Variants in MRPS12 observed in about 807,000 individuals in gnomAD.
MRPS12 encodes the protein mitochondrial ribosomal protein S12.
MRPS12 carries 7 observed loss-of-function variants against 8.4 expected under a neutral mutation model. The ratio of observed to expected loss-of-function variants is 0.83; its 90% CI spans 0.47 to 1.56. The LOEUF (loss-of-function observed/expected upper bound fraction) is 1.56. Ranked by LOEUF, MRPS12 falls within the 40% of genes most tolerant of loss-of-function variation. The pLI is 0.01. For synonymous variants in MRPS12, 84 were observed against 84.1 expected (o/e 1.00, Z 0.01); for missense variants, 200 against 194.1 (o/e 1.03, Z -0.18).
chr19:38,932,617 G>C lies in MRPS12; in HGVS notation c.334G>C (p.Gly112Arg). The C allele has an allele frequency of 6.2e-7, 1 of 1,613,702 alleles. No homozygotes were observed. ...LQEHQIVLVE[G>R]GRTQDLPGVK... ...GGAGCACCAGATTGTCCTTGTGGAG[G>C]GCGGCCGCACCCAGGACCTGCCAGG... is the stretch of plus-strand genomic sequence containing the variant. Residue 112 changes from glycine to arginine, a missense_variant, in exon 3 of 3, where the codon GGC (glycine) becomes CGC (arginine). By Grantham distance (125) the Gly-to-Arg change is moderately radical. Transcript: ENST00000308018.
At chr19:38,931,478 C>T (rs572068535) in intron 2 of MRPS12, 135 bp downstream of exon 2, 15 of 806,376 alleles carry the variant, frequency 1.9e-5, no homozygotes, top group Non-Finnish European at 2.4e-5. Flanking sequence ...AGAGCTAGGG[C>T]TGCTAGAGCA....
In MRPS12 at chr19:38,932,497, A is replaced by C; in HGVS notation, c.214A>C (p.Lys72Gln). The change falls in exon 3 of 3, where the codon AAG becomes CAG. Residue 72 changes from lysine to glutamine, a missense_variant. Transcript: ENST00000308018. The stretch of plus-strand genomic sequence containing the variant: ...GTGCACGTTTACCCGCAAGCCGAAG[A>C]AGCCCAACTCAGCCAATCGCAAGTG... ...VLCTFTRKPK[K>Q]PNSANRKCCR... The C allele has an allele frequency of 1.2e-6, 2 of 1,613,244 alleles. No individual in the cohort carries two copies. The highest frequency in any genetic ancestry group is 1.7e-6 in the Non-Finnish European group (2 of 1,179,442).
rs1228343439 is a variant in MRPS12 at position 38,932,418 on chromosome 19, GCC to G, written c.136_137del (p.Pro46SerfsTer171). 28 of 1,609,236 alleles carry G rather than the reference GCC, an allele frequency of 1.7e-5. No homozygotes were observed. In the East Asian group the frequency reaches 6.0e-4, roughly 35 times the overall value. On this transcript the variant is annotated frameshift_variant, in exon 3 of 3. Coordinates refer to ENST00000308018, the MANE Select transcript of MRPS12 (RefSeq NM_033362.4). LOFTEE classifies it high-confidence loss of function. ...MHRLGPPKRP[P>X]RKLGPTEGRP... ...ACCGCCTGGGGCCCCCCAAGCGGCCGCCTCGGAAGCTGGGCCCCACGGAAGGC... is the reference window on the plus strand; with the variant it reads ...ACCGCCTGGGGCCCCCCAAGCGGCCGTCGGAAGCTGGGCCCCACGGAAGGC...
At position 38,932,617 on chromosome 19, in the gene MRPS12, G is replaced by T; in HGVS notation, c.334G>T (p.Gly112Cys). The T allele has an allele frequency of 6.2e-7, 1 of 1,613,702 alleles. No individual in the cohort carries two copies. The highest frequency in any genetic ancestry group is 8.5e-7 in the Non-Finnish European group (1 of 1,180,002). Reference sequence around the variant, plus strand: ...GGAGCACCAGATTGTCCTTGTGGAGGGCGGCCGCACCCAGGACCTGCCAGG... The same window carrying T: ...GGAGCACCAGATTGTCCTTGTGGAGTGCGGCCGCACCCAGGACCTGCCAGG... ...LQEHQIVLVE[G>C]GRTQDLPGVK... The change falls in exon 3 of 3, where the codon GGC becomes TGC. Residue 112 changes from glycine (G) to cysteine (C), a missense_variant. Gly to Cys is a radical substitution (Grantham distance 159). Transcript: ENST00000308018.
intron 1 of MRPS12, 90 bp from the exon 2 acceptor site, chr19:38,931,186 T>G: frequency 1.9e-6 from 2 of 1,037,530 alleles, no homozygotes; most frequent in African/African-American, 1.6e-5. Context: ...TTCCTTTGAT[T>G]TAAGCCAGAA....
intron 2 of MRPS12, chr19:38,931,744 T>C (rs1287752833): frequency 6.0e-6 from 1 of 166,206 alleles, no homozygotes; most frequent in African/African-American, 2.4e-5. Context: ...GGTCTCCCTG[T>C]GTCGCCCAGT....
rs1482500320 is a variant in MRPS12 at position 38,931,344 on chromosome 19, G to A, written c.49+1G>A. On this transcript the variant is annotated splice_donor_variant, in intron 2 of 2. Coordinates refer to ENST00000308018, the MANE Select transcript of MRPS12 (RefSeq NM_033362.4). LOFTEE classifies it high-confidence loss of function. The stretch of plus-strand genomic sequence containing the variant: ...GGCCTCAACACGTCCCTAACTTGTG[G>A]TAAGTGGGGGACTTGGGCTTCAGGG... The A allele has an allele frequency of 6.3e-7, 1 of 1,595,650 alleles. No homozygotes were observed. Among genetic ancestry groups the A allele is most frequent in the African/African-American group, 1.4e-5 (1 of 73,748 alleles).
intron 1 of MRPS12, 38 bp downstream of exon 1, chr19:38,931,036 C>T (rs1974737455): frequency 6.7e-6 from 4 of 595,774 alleles, no homozygotes; most frequent in Non-Finnish European, 1.2e-5. Flanking sequence ...TCTACCAGGC[C>T]ATCTCCCCAG....
chr19:38,932,155 A>G (rs1974764894), intron 2 of MRPS12, among the ~76,000 whole-genome samples, 178 bp from the exon 3 acceptor site: 1 of 151,850 alleles, frequency 6.6e-6, no homozygotes, highest in African/African-American at 2.4e-5. Flanking sequence ...AAAGAAAAAA[A>G]AAAAAAAGGT....
Position 38,932,337 on chromosome 19 carries a change from A to AGCTCTGGTTCCCCGGCTCTGGGCTACCT in MRPS12, c.59_86dup (p.Met30GlyfsTer197), listed in dbSNP as rs780771996. 6.5e-7 allele frequency: 1 copy of AGCTCTGGTTCCCCGGCTCTGGGCTACCT among 1,529,160 alleles called. No individual in the cohort carries two copies. Among genetic ancestry groups the AGCTCTGGTTCCCCGGCTCTGGGCTACCT allele is most frequent in the Non-Finnish European group, 8.8e-7 (1 of 1,137,348 alleles). The allele number at this position is 1,529,160 out of a possible 1,614,324, so 94.7% of individuals were successfully genotyped here. Reference sequence around the variant, plus strand: ...ACCCCTTTCGGCCCTCTCCAGGCCCAGCTCTGGTTCCCCGGCTCTGGGCTA... The same window carrying AGCTCTGGTTCCCCGGCTCTGGGCTACCT: ...ACCCCTTTCGGCCCTCTCCAGGCCCAGCTCTGGTTCCCCGGCTCTGGGCTACCTGCTCTGGTTCCCCGGCTCTGGGCTA... On this transcript the variant is annotated frameshift_variant, in exon 3 of 3. Coordinates refer to ENST00000308018, the MANE Select transcript of MRPS12 (RefSeq NM_033362.4). LOFTEE classifies it high-confidence loss of function.
chr19:38,932,944 C>T lies in MRPS12; in HGVS notation c.*244C>T, dbSNP rs972624454. ...AGAGGGGTGGCCTGAAGGACCTTTT[C>T]TGCTGGGACAAGACACTGTACTGCC... On this transcript the variant is annotated 3_prime_UTR_variant, in exon 3 of 3. Coordinates refer to ENST00000308018, the MANE Select transcript of MRPS12 (RefSeq NM_033362.4). 2.0e-5 allele frequency: 11 copies of T among 557,764 alleles called. No individual in the cohort carries two copies. The Admixed American group carries it at 3.7e-4, about 19-fold the overall frequency. 34.6% of individuals were successfully genotyped at this position (557,764 alleles called of 1,614,324 possible). A position where few individuals can be genotyped will look rare whatever the true frequency, so the allele number is the denominator to read the frequency against.
chr19:38,931,088 C>T (rs1974738880), intron 1 of MRPS12, 90 bp downstream of exon 1: 1 of 626,862 alleles, frequency 1.6e-6, no homozygotes, highest in Non-Finnish European at 2.8e-6. Flanking sequence ...TGGTTGGGCC[C>T]TCGGGAACCC....
intron 2 of MRPS12, 77 bp from the exon 3 acceptor site, chr19:38,932,255 GC>G: frequency 6.9e-6 from 10 of 1,446,144 alleles, no homozygotes; most frequent in Non-Finnish European, 9.2e-6. Flanking sequence ...TTTAAACAAT[GC>G]CTAAAACACC....
At chr19:38,931,474 A>T in intron 2 of MRPS12, 131 bp downstream of exon 2, 1 of 848,598 alleles carries the variant, frequency 1.2e-6, no homozygotes, top group East Asian at 2.9e-5. Flanking sequence ...TGGCAGAGCT[A>T]GGGCTGCTAG....
chr19:38,931,327 C>T lies in MRPS12; in HGVS notation c.33C>T (p.Asn11=). 6.2e-7 allele frequency: 1 copy of T among 1,602,252 alleles called. No individual in the cohort carries two copies. MSWSGLLHGL[N]TSLTCGPALV... ...GGTCTGGCCTTCTCCATGGCCTCAA[C>T]ACGTCCCTAACTTGTGGTAAGTGGG... Residue 11 remains asparagine, a synonymous_variant, in exon 2 of 3, where the codon AAC becomes AAT. Coordinates refer to ENST00000308018, the MANE Select transcript of MRPS12 (RefSeq NM_033362.4).
Position 38,932,851 on chromosome 19 carries a change from T to C in MRPS12, c.*151T>C, listed in dbSNP as rs1165634276. 2 of 1,123,452 alleles carry C rather than the reference T, an allele frequency of 1.8e-6. No homozygotes were observed. The highest frequency in any genetic ancestry group is 2.6e-5 in the East Asian group (1 of 38,928). The allele number at this position is 1,123,452 out of a possible 1,614,324, so 69.6% of individuals were successfully genotyped here. On this transcript the variant is annotated 3_prime_UTR_variant, in exon 3 of 3. Transcript: ENST00000308018. ...GCTCCGCCTCTTCCATCAGGACCAC[T>C]ATTAAGCCATAGGAGTCCTGGGGGT...
At position 38,932,333 on chromosome 19, in the gene MRPS12, G is replaced by GCCCAGCTCTGGTTC; in HGVS notation, c.54_67dup (p.Arg23GlnfsTer16). ...AATAACCCCTTTCGGCCCTCTCCAG[G>GCCCAGCTCTGGTTC]CCCAGCTCTGGTTCCCCGGCTCTGG... On this transcript the variant is annotated frameshift_variant and splice_region_variant, in exon 3 of 3. Coordinates refer to ENST00000308018, the MANE Select transcript of MRPS12 (RefSeq NM_033362.4). LOFTEE classifies it high-confidence loss of function. The GCCCAGCTCTGGTTC allele has an allele frequency of 6.6e-7, 1 of 1,526,394 alleles. No individual in the cohort carries two copies. Among genetic ancestry groups the GCCCAGCTCTGGTTC allele is most frequent in the Non-Finnish European group, 8.8e-7 (1 of 1,136,410 alleles). 94.6% of individuals were successfully genotyped at this position (1,526,394 alleles called of 1,614,324 possible). A position where few individuals can be genotyped will look rare whatever the true frequency, so the allele number is the denominator to read the frequency against.
chr19:38,932,446 C>G lies in MRPS12; in HGVS notation c.163C>G (p.Arg55Gly). 2 of 1,612,504 alleles carry G rather than the reference C, an allele frequency of 1.2e-6. No individual in the cohort carries two copies. The highest frequency in any genetic ancestry group is 1.7e-6 in the Non-Finnish European group (2 of 1,179,138). Reference protein sequence around the residue: ...PPRKLGPTEGRPQLKGVVLCT... With the variant: ...PPRKLGPTEGGPQLKGVVLCT... The stretch of plus-strand genomic sequence containing the variant: ...TCGGAAGCTGGGCCCCACGGAAGGC[C>G]GGCCGCAGCTGAAGGGTGTGGTCCT... The change falls in exon 3 of 3, where the codon CGG becomes GGG. Residue 55 changes from arginine (R) to glycine (G), a missense_variant. Coordinates refer to ENST00000308018, the MANE Select transcript of MRPS12 (RefSeq NM_033362.4).
chr19:38,931,522 C>T (rs560893654), intron 2 of MRPS12, 179 bp downstream of exon 2: 203 of 479,242 alleles, frequency 4.2e-4, no homozygotes, highest in Non-Finnish European at 6.5e-4. Context: ...AGGGCTACTG[C>T]GTGTCAAGCG....
Sources: allele counts gnomAD v4.1 joint callset (sites outside exome capture counted in the v4.1 genomes callset), GRCh38; gene constraint gnomAD v4.1.1; transcripts MANE v1.5; gene names NCBI Gene and HGNC (gene_info 2026-07-23, HGNC 2026-07-21).